AGRN: variants seen among roughly 807,000 people sequenced by gnomAD.
The protein encoded by AGRN is agrin, also known as agrin proteoglycan.
AGRN carries 106 observed loss-of-function variants against 211.0 expected under a neutral mutation model. The observed-to-expected ratio is 0.50, with a 90% CI of 0.43 to 0.59. The LOEUF is 0.59. Among genes scored for constraint, AGRN ranks in the 20% least tolerant of loss-of-function variants. AGRN has a pLI of 0.00. For synonymous variants in AGRN, 1,525 were observed against 1,332.5 expected (o/e 1.14, Z -3.15); for missense variants, 3,040 against 2,982.6 (o/e 1.02, Z -0.45).
intron 3 of AGRN, among the ~76,000 whole-genome samples, chr1:1,040,241 G>A (rs1350424148): frequency 6.6e-6 from 1 of 152,238 alleles, no homozygotes; most frequent in Non-Finnish European, 1.5e-5. Flanking sequence ...CGGTGCCGAT[G>A]TGGAAGGAGC....
At chr1:1,045,940 A>G (rs758548882) in intron 15 of AGRN, 24 bp from the exon 16 acceptor site, 6 of 1,612,776 alleles carry the variant, frequency 3.7e-6, no homozygotes, top group Non-Finnish European at 5.1e-6. Flanking sequence ...CGAGCCACAG[A>G]GGTTTCCCAT....
chr1:1,046,316 G>C, intron 17 of AGRN, 51 bp downstream of exon 17: 1 of 1,611,056 alleles, frequency 6.2e-7, no homozygotes, highest in Non-Finnish European at 8.5e-7. Flanking sequence ...GCCTGACGCT[G>C]CCCTAAATCC....
intron 25 of AGRN, 34 bp downstream of exon 25, chr1:1,049,485 C>T (rs1557717425): frequency 6.2e-7 from 1 of 1,600,448 alleles, no homozygotes; most frequent in South Asian, 1.1e-5. Flanking sequence ...GGCCCCGACC[C>T]CGGCCCTTTG....
At chr1:1,029,181 C>T (rs1644590536) in intron 2 of AGRN, among the ~76,000 whole-genome samples, 1 of 152,184 alleles carries the variant, frequency 6.6e-6, no homozygotes, top group Non-Finnish European at 1.5e-5. Context: ...GTGCTCCACC[C>T]ACTCCAGGCC....
At chr1:1,034,199 C>T (rs1260583251) in intron 2 of AGRN, 1 of 985,308 alleles carries the variant, frequency 1.0e-6, no homozygotes, top group Non-Finnish European at 1.2e-6. Flanking sequence ...CGCACCGCCT[C>T]TCCGGCCTGC....
chr1:1,021,219 A>G (rs942037886), intron 1 of AGRN, among the ~76,000 whole-genome samples: 1 of 152,166 alleles, frequency 6.6e-6, no homozygotes, highest in Non-Finnish European at 1.5e-5. Flanking sequence ...TCTCCTCCAC[A>G]GCGGCCAGGG....
Position 1,050,765 on chromosome 1 carries a change from C to G in AGRN, c.5181C>G (p.Val1727=), listed in dbSNP as rs1013137001. ...TCACCCTGGGAGCCTGGACCAGGGT[C>G]TCACTGGAGCGAAACGGCCGCAAGG... ...EPVTLGAWTR[V]SLERNGRKGA... Residue 1727 remains valine (V), a synonymous_variant, in exon 30 of 36, where the codon GTC becomes GTG. Transcript: ENST00000379370. 5 of 1,603,600 alleles carry G rather than the reference C, an allele frequency of 3.1e-6. No individual in the cohort carries two copies. In the African/African-American group the frequency reaches 6.7e-5, roughly 21 times the overall value.
intron 22 of AGRN, 31 bp from the exon 23 acceptor site, chr1:1,047,981 A>G (rs969431985): frequency 1.9e-6 from 3 of 1,569,334 alleles, no homozygotes; most frequent in Non-Finnish European, 2.6e-6. Flanking sequence ...CCCTGCTCCC[A>G]GGAAACCCTA....
At chr1:1,025,551 C>A (rs1644501714) in intron 2 of AGRN, among the ~76,000 whole-genome samples, 1 of 152,094 alleles carries the variant, frequency 6.6e-6, no homozygotes, top group South Asian at 2.1e-4. Flanking sequence ...CTCCTGCCCC[C>A]AACTCCTCCG....
rs1297079956 is a variant in AGRN at position 1,046,219 on chromosome 1, C to T, written c.2865C>T (p.Cys955=). The change falls in exon 17 of 36, where the codon TGC becomes TGT. Residue 955 remains cysteine (C), a synonymous_variant. Coordinates refer to ENST00000379370, the MANE Select transcript of AGRN (RefSeq NM_198576.4). Reference sequence around the variant, plus strand: ...AGTGTCAGCTGAAGACCATCGCCTGCCGCCAGGGCCTGCAAATCTCTATCC... The same window carrying T: ...AGTGTCAGCTGAAGACCATCGCCTGTCGCCAGGGCCTGCAAATCTCTATCC... ...GNECQLKTIA[C]RQGLQISIQS... 4 of 1,613,654 alleles carry T rather than the reference C, an allele frequency of 2.5e-6. No homozygotes were observed. In the East Asian group the frequency reaches 6.7e-5, roughly 27 times the overall value.
At position 1,022,474 on chromosome 1, in the gene AGRN, G is replaced by A; in HGVS notation, c.463+12G>A. Reference sequence around the variant, plus strand: ...GTTCTGTGTGGAAGGTGCGTGGTGGGGGGCTCGTGTGGGGGCCTGTGGGGG... The same window carrying A: ...GTTCTGTGTGGAAGGTGCGTGGTGGAGGGCTCGTGTGGGGGCCTGTGGGGG... On this transcript the variant is annotated intron_variant, in intron 2 of 35. Transcript: ENST00000379370. 6.2e-7 allele frequency: 1 copy of A among 1,601,634 alleles called. No individual in the cohort carries two copies. The highest frequency in any genetic ancestry group is 8.5e-7 in the Non-Finnish European group (1 of 1,172,262).
At chr1:1,029,835 GTGCAGTGCATGGTGCTGTGAGATCAGCA>G (rs1420019295) in intron 2 of AGRN, among the ~76,000 whole-genome samples, 2 of 99,616 alleles carry the variant, frequency 2.0e-5, no homozygotes, top group Non-Finnish European at 4.4e-5. Context: ...GTGTGTGTGT[GTGCAGTGCATGGTGCTGTGAGATCAGCA>G]TGTGTGTGTG....
chr1:1,028,541 G>A (rs1469562490), intron 2 of AGRN, among the ~76,000 whole-genome samples: 1 of 118,706 alleles, frequency 8.4e-6, no homozygotes, highest in Non-Finnish European at 2.0e-5. Context: ...CATGGGCCAA[G>A]GGCACCCACA....
chr1:1,020,899 C>T (rs1446993889), intron 1 of AGRN, among the ~76,000 whole-genome samples: 4 of 149,676 alleles, frequency 2.7e-5, no homozygotes, highest in African/African-American at 9.8e-5. Context: ...CACCGGGCCT[C>T]GTGTGCTTGG....
chr1:1,020,259 G>A lies in AGRN; in HGVS notation c.87G>A (p.Gly29=). 2 of 1,464,024 alleles carry A rather than the reference G, an allele frequency of 1.4e-6. No individual in the cohort carries two copies. The highest frequency in any genetic ancestry group is 2.6e-5 in the South Asian group (2 of 76,622). The allele number at this position is 1,464,024 out of a possible 1,614,324, so 90.7% of individuals were successfully genotyped here. Residue 29 remains glycine, a synonymous_variant, in exon 1 of 36, where the codon GGG becomes GGA. Coordinates refer to ENST00000379370, the MANE Select transcript of AGRN (RefSeq NM_198576.4). ...VAACVLPGAG[G]TCPERALERR... is the part of the protein sequence containing the mutation. ...CGTGCGTCCTGCCCGGAGCCGGCGG[G>A]ACATGCCCGGAGCGCGCGCTGGAGC... is the stretch of plus-strand genomic sequence containing the variant.
In AGRN at chr1:1,045,879, G is replaced by A. The variant is rs779497103; in HGVS notation, c.2680+3G>A. On this transcript the variant is annotated splice_donor_region_variant and intron_variant, in intron 15 of 35. Coordinates refer to ENST00000379370, the MANE Select transcript of AGRN (RefSeq NM_198576.4). Reference sequence around the variant, plus strand: ...GGGCCCCGCGGGCTGTGAAGCTGGTGAGTGAGGGCCAGCGCTACCCTGGGG... The same window carrying A: ...GGGCCCCGCGGGCTGTGAAGCTGGTAAGTGAGGGCCAGCGCTACCCTGGGG... 1.9e-6 allele frequency: 3 copies of A among 1,610,612 alleles called. No individual in the cohort carries two copies. The highest frequency in any genetic ancestry group is 3.3e-5 in the Admixed American group (2 of 60,018).
rs1645128530 is a variant in AGRN at position 1,047,371 on chromosome 1, G to T, written c.3433G>T (p.Gly1145Cys). The part of the protein sequence containing the change: ...QGVLELEGVE[G>C]QELFYTPEMA... ...CGTCCTGGAGCTGGAGGGCGTCGAGGGCCAGGAGCTGTTCTACACGCCCGA... is the reference window on the plus strand; with the variant it reads ...CGTCCTGGAGCTGGAGGGCGTCGAGTGCCAGGAGCTGTTCTACACGCCCGA... The change falls in exon 20 of 36, where the codon GGC (glycine) becomes TGC (cysteine). Residue 1145 changes from glycine to cysteine, a missense_variant. Around this residue, in one of 3 missense-constraint regions of AGRN, gnomAD observed 1,537 missense variants for 1,505.0 expected, o/e 1.02. Coordinates refer to ENST00000379370, the MANE Select transcript of AGRN (RefSeq NM_198576.4). 2 of 1,610,412 alleles carry T rather than the reference G, an allele frequency of 1.2e-6. No individual in the cohort carries two copies. Among genetic ancestry groups the T allele is most frequent in the South Asian group, 1.1e-5 (1 of 90,864 alleles).
chr1:1,025,231 A>C (rs1438769917), intron 2 of AGRN, among the ~76,000 whole-genome samples: 1 of 151,390 alleles, frequency 6.6e-6, no homozygotes, highest in South Asian at 2.1e-4. Flanking sequence ...GCGCCTTCCC[A>C]GCCCGGCCCT....
intron 3 of AGRN, among the ~76,000 whole-genome samples, chr1:1,039,138 A>C (rs1455404618): frequency 6.6e-6 from 1 of 152,144 alleles, no homozygotes; most frequent in African/African-American, 2.4e-5. Flanking sequence ...ACATTCTCAC[A>C]GTGGGTAATG....
Sources: allele counts gnomAD v4.1 joint callset (sites outside exome capture counted in the v4.1 genomes callset), GRCh38; gene constraint gnomAD v4.1.1; regional missense constraint gnomAD v4.1.1; transcripts MANE v1.5; gene names NCBI Gene and HGNC (gene_info 2026-07-23, HGNC 2026-07-21).